The following RGS9 variants were observed in gnomAD, a reference collection of about 807,000 sequenced individuals.
The protein encoded by RGS9 is regulator of G-protein signalling 9.
RGS9 carries 78 observed loss-of-function variants against 102.0 expected under a neutral mutation model. The observed-to-expected ratio is 0.76, with a 90% confidence interval of 0.64 to 0.92. RGS9 has a LOEUF of 0.92. Ranked by LOEUF, RGS9 falls within the 40% of genes least tolerant of loss-of-function variation. RGS9 has a pLI of 0.00. For missense variants in RGS9, 833 were observed against 866.1 expected (o/e 0.96, Z 0.48); for synonymous variants, 353 against 318.6 (o/e 1.11, Z -1.15).
At chr17:65,153,285 A>T in intron 1 of RGS9, 137 bp from the exon 2 acceptor site, 1 of 783,754 alleles carries the variant, frequency 1.3e-6, no homozygotes, top group Non-Finnish European at 2.3e-6. Context: ...CTCAGTGCCC[A>T]CCTGGCTCCT....
chr17:65,167,113 G>A (rs2144011974), intron 7 of RGS9, among the ~76,000 whole-genome samples: 1 of 152,340 alleles, frequency 6.6e-6, no homozygotes, highest in East Asian at 1.9e-4. Context: ...TTTGCCCCTG[G>A]AGGAAGAAGG....
At position 65,193,628 on chromosome 17, in the gene RGS9, A is replaced by T. The variant is rs766726141; in HGVS notation, c.832A>T (p.Thr278Ser). 6.2e-7 allele frequency: 1 copy of T among 1,613,556 alleles called. No individual in the cohort carries two copies. Among genetic ancestry groups the T allele is most frequent in the South Asian group, 1.1e-5 (1 of 91,066 alleles). ...CAGCAACCCCTGGATCACCGATGAC[A>T]CCCAGTTCTGGGACTTAAATGCCAA... The part of the protein sequence containing the change: ...LPSNPWITDD[T>S]QFWDLNAKLV... The change falls in exon 12 of 19, where the codon ACC (threonine) becomes TCC (serine). Residue 278 changes from threonine (T) to serine (S), a missense_variant. This residue lies in a region of RGS9 where 328 missense variants were observed against 340.6 expected (regional missense o/e 0.96). Transcript: ENST00000262406.
rs564919306 is a variant in RGS9, at chr17:65,173,381, C to A, written c.583-4351C>A. The stretch of plus-strand genomic sequence containing the variant: ...GCAGGGGGACACGGTGGAGTACCAC[C>A]GAGAAGTGTCCGTCAGCTCCACGCT... On this transcript the variant is annotated intron_variant, in intron 8 of 18. Transcript: ENST00000262406. This position sits in a 1 kb window ranked among gnomAD's most constrained non-coding sequence, Gnocchi z 4.8. Among the ~76,000 whole-genome samples the A allele has an allele frequency of 1.9e-4, 29 of 152,214 alleles. No homozygotes were observed. Among genetic ancestry groups the A allele is most frequent in the African/African-American group, 6.7e-4 (28 of 41,534 alleles).
At position 65,174,696 on chromosome 17, in the gene RGS9, G is replaced by A. The variant is rs537559254; in HGVS notation, c.583-3036G>A. On this transcript the variant is annotated intron_variant, in intron 8 of 18. Transcript: ENST00000262406. The stretch of plus-strand genomic sequence containing the variant: ...TGTGAGCATGCATATGTGTGTGCAT[G>A]TATGTGAGCATGTTTTTGTGTATTC... 5.9e-5 allele frequency among the ~76,000 whole-genome samples: 9 copies of A among 152,210 alleles called. No individual in the cohort carries two copies. In the South Asian group the frequency reaches 1.7e-3, roughly 28 times the overall value.
intron 13 of RGS9, 90 bp from the exon 14 acceptor site, chr17:65,201,903 C>T: frequency 1.1e-6 from 1 of 877,564 alleles, no homozygotes; most frequent in Admixed American, 1.8e-5. Context: ...TGGAATCCAT[C>T]CCGGTTGACT....
chr17:65,137,892 G>T (rs144779889), intron 1 of RGS9, among the ~76,000 whole-genome samples: 2 of 152,230 alleles, frequency 1.3e-5, no homozygotes, highest in South Asian at 4.1e-4. Context: ...GCAGATTTGA[G>T]ACAGCCTGCT....
chr17:65,191,634 C>G (rs1052724988), intron 11 of RGS9, among the ~76,000 whole-genome samples: 3 of 152,104 alleles, frequency 2.0e-5, no homozygotes, highest in Admixed American at 1.3e-4. Flanking sequence ...GTAGTCTCAG[C>G]TACTTGGGAG....
In RGS9 at chr17:65,213,339, G is replaced by A. The variant is rs188870559; in HGVS notation, c.1407+2734G>A. ...GGCATTTTGTGCTTGGCTGTGGCAG[G>A]CTCAGGCCCTGCCCTCCAACTTCTG... On this transcript the variant is annotated intron_variant, in intron 17 of 18. Transcript: ENST00000262406. 1.3e-4 allele frequency among the ~76,000 whole-genome samples: 20 copies of A among 152,370 alleles called. 1 individual carries two copies. In the East Asian group the frequency reaches 3.7e-3, roughly 28 times the overall value.
chr17:65,163,601 T>C (rs1911068497), intron 7 of RGS9, among the ~76,000 whole-genome samples: 1 of 152,144 alleles, frequency 6.6e-6, no homozygotes, highest in African/African-American at 2.4e-5. Flanking sequence ...GATGAAAGAA[T>C]AGGCTATGGT....
At chr17:65,199,488 C>CTTTTTTTT (rs3034101) in intron 13 of RGS9, among the ~76,000 whole-genome samples, 3 of 108,328 alleles carry the variant, frequency 2.8e-5, no homozygotes, top group Non-Finnish European at 5.3e-5. Context: ...GCTTCTGTTC[C>CTTTTTTTT]TTTTTTTTTT....
rs775433864 is a variant in RGS9 at position 65,160,274 on chromosome 17, A to T, written c.247A>T (p.Ile83Phe). Reference sequence around the variant, plus strand: ...CAACTTTATTGTCAGGTATGGCTACATTTACCCCCTGCAAGACCCCAAGAA... The same window carrying T: ...CAACTTTATTGTCAGGTATGGCTACTTTTACCCCCTGCAAGACCCCAAGAA... Reference protein sequence around the residue: ...LGNFIVRYGYIYPLQDPKNLI... With the variant: ...LGNFIVRYGYFYPLQDPKNLI... Residue 83 changes from isoleucine (I) to phenylalanine (F), a missense_variant, in exon 4 of 19, where the codon ATT becomes TTT. Ile to Phe is a conservative substitution (Grantham distance 21). Transcript: ENST00000262406. The T allele has an allele frequency of 6.2e-7, 1 of 1,614,176 alleles. No homozygotes were observed. The highest frequency in any genetic ancestry group is 1.7e-4 in the Middle Eastern group (1 of 6,060).
At chr17:65,207,405 A>G (rs1913107024) in intron 15 of RGS9, among the ~76,000 whole-genome samples, 1 of 152,156 alleles carries the variant, frequency 6.6e-6, no homozygotes, top group African/African-American at 2.4e-5. Flanking sequence ...GTTAATTGTT[A>G]ATTGTTTAGG....
chr17:65,196,183 C>A (rs145231308), intron 12 of RGS9, among the ~76,000 whole-genome samples: 2 of 152,222 alleles, frequency 1.3e-5, no homozygotes, highest in Admixed American at 6.5e-5. Context: ...ATGTGTGTAA[C>A]GCACAGTACC....
chr17:65,215,489 G>GTTCTTTCTTTCT (rs1453846214), intron 17 of RGS9, among the ~76,000 whole-genome samples: 2,002 of 115,758 alleles, frequency 0.017, 40 homozygotes, highest in African/African-American at 0.029. Context: ...TCTTTCTTTC[G>GTTCTTTCTTTCT]TTCTTTCGTT....
At chr17:65,206,389 G>A (rs1024931410) in intron 15 of RGS9, among the ~76,000 whole-genome samples, 5 of 152,266 alleles carry the variant, frequency 3.3e-5, no homozygotes, top group African/African-American at 1.2e-4. Context: ...TCTTAAAAAT[G>A]TAGTTTTCGG....
At position 65,225,019 on chromosome 17, in the gene RGS9, T is replaced by A; in HGVS notation, c.1425T>A (p.Ala475=). The A allele has an allele frequency of 6.2e-7, 1 of 1,613,420 alleles. No homozygotes were observed. The highest frequency in any genetic ancestry group is 8.5e-7 in the Non-Finnish European group (1 of 1,179,850). ...VDITQPGQHM[A]PSPHLTVYTG... The stretch of plus-strand genomic sequence containing the variant: ...CTCTACAGCCGGGCCAGCACATGGC[T>A]CCCAGCCCCCATCTGACCGTGTACA... The change falls in exon 18 of 19, where the codon GCT becomes GCA. Residue 475 remains alanine (A), a synonymous_variant. Transcript: ENST00000262406.
chr17:65,199,196 A>G (rs1210547776), intron 13 of RGS9, among the ~76,000 whole-genome samples: 3 of 152,214 alleles, frequency 2.0e-5, no homozygotes, highest in African/African-American at 7.2e-5. Context: ...AAAGTGTACA[A>G]TTCAGGGGTT....
chr17:65,205,945 G>T (rs973496207), intron 15 of RGS9, among the ~76,000 whole-genome samples: 1 of 152,020 alleles, frequency 6.6e-6, no homozygotes, highest in Non-Finnish European at 1.5e-5. Context: ...TGTGATATAG[G>T]TTATATGATA....
At chr17:65,166,912 C>A (rs181277788) in intron 7 of RGS9, among the ~76,000 whole-genome samples, 1 of 152,192 alleles carries the variant, frequency 6.6e-6, no homozygotes, top group African/African-American at 2.4e-5. Flanking sequence ...CGCTGTTCAC[C>A]CATCTGGCTC....
Sources: gnomAD v4.1 joint callset for allele counts (sites outside exome capture counted in the v4.1 genomes callset) on GRCh38, gnomAD v4.1.1 for gene constraint, gnomAD v4.1.1 regional missense constraint, Gnocchi (gnomAD v3.1) non-coding constraint, MANE v1.5 for transcripts, NCBI Gene and HGNC (gene_info 2026-07-23, HGNC 2026-07-21) for gene names.